KHNYN: variants seen among roughly 807,000 people sequenced by gnomAD.
KHNYN encodes protein KHNYN.
Under a neutral mutation model 62.7 loss-of-function variants are expected in KHNYN, and 42 were observed. The ratio of observed to expected loss-of-function variants is 0.67; its 90% CI spans 0.52 to 0.87. KHNYN has a LOEUF of 0.87. KHNYN is among the 40% of genes least tolerant of loss of function. KHNYN has a pLI of 0.00. For missense variants in KHNYN, 829 were observed against 874.1 expected (o/e 0.95, Z 0.65); for synonymous variants, 347 against 345.6 (o/e 1.00, Z -0.04).
rs2043332339 is a variant in KHNYN at position 24,441,327 on chromosome 14, C to A, written c.*4042C>A. The A allele has an allele frequency of 2.2e-6, 1 of 446,980 alleles. No homozygotes were observed. The allele number at this position is 446,980 out of a possible 1,614,324, so 27.7% of individuals were successfully genotyped here. On this transcript the variant is annotated 3_prime_UTR_variant, in exon 8 of 8. Coordinates refer to ENST00000553935, the MANE Select transcript of KHNYN (RefSeq NM_015299.3). ...GTTGTAAGGAATAAATGATAATAAG[C>A]ATAAAACACTTCAAATAGTGGCTGG...
upstream of KHNYN, among the ~76,000 whole-genome samples, chr14:24,424,598 A>G (rs539790302): frequency 1.3e-5 from 2 of 152,326 alleles, no homozygotes; most frequent in Admixed American, 1.3e-4. Context: ...GGGCCTAATC[A>G]CACGAGTCCC....
Position 24,431,444 on chromosome 14 carries a change from T to C in KHNYN, c.202-19T>C. On this transcript the variant is annotated intron_variant, in intron 2 of 7. Transcript: ENST00000553935. ...GCCAGTTAGTTTACTTTTCCTGACCTTCCCTTCCTCCCAACCAGGAGTACC... is the reference window on the plus strand; with the variant it reads ...GCCAGTTAGTTTACTTTTCCTGACCCTCCCTTCCTCCCAACCAGGAGTACC... The C allele has an allele frequency of 6.5e-7, 1 of 1,541,278 alleles. No homozygotes were observed. Among genetic ancestry groups the C allele is most frequent in the Non-Finnish European group, 8.8e-7 (1 of 1,140,322 alleles).
intron 2 of KHNYN, 99 bp downstream of exon 2, chr14:24,431,030 T>TG: frequency 8.7e-7 from 1 of 1,144,876 alleles, no homozygotes; most frequent in Non-Finnish European, 1.2e-6. Flanking sequence ...AGGAGGGGCC[T>TG]GGGGAGGATC....
In KHNYN at chr14:24,440,762, A is replaced by G; in HGVS notation, c.*3477A>G. On this transcript the variant is annotated 3_prime_UTR_variant, in exon 8 of 8. Transcript: ENST00000553935. ...AGAGAAGACATTCCAACCCTGTCTG[A>G]TACCCAGGCCCGTTTCTCACCTGAG... is the stretch of plus-strand genomic sequence containing the variant. The G allele has an allele frequency of 6.2e-7, 1 of 1,612,524 alleles. No homozygotes were observed. The highest frequency in any genetic ancestry group is 2.2e-5 in the East Asian group (1 of 44,860).
Position 24,430,864 on chromosome 14 carries a change from A to C in KHNYN, c.134A>C (p.Asp45Ala). The change falls in exon 2 of 8, where the codon GAC (aspartate) becomes GCC (alanine). Residue 45 changes from aspartate (D) to alanine (A), a missense_variant. By Grantham distance (126) the Asp-to-Ala change is moderately radical (BLOSUM62 -2). Transcript: ENST00000553935. ...GTGGGGGTGAGCGTCCTTCCGAAGG[A>C]CTGTCCGGACAACCCCCACATCTGG... ...FSVGVSVLPK[D>A]CPDNPHIWLQ... 6.2e-7 allele frequency: 1 copy of C among 1,613,994 alleles called. No individual in the cohort carries two copies. The highest frequency in any genetic ancestry group is 1.1e-5 in the South Asian group (1 of 91,046).
At chr14:24,428,447 C>T (rs1462435104), upstream of KHNYN, 6 of 1,610,202 alleles carry the variant, frequency 3.7e-6, no homozygotes, top group Non-Finnish European at 5.1e-6. Context: ...CAGGAAATGC[C>T]CATGGCTCAG....
At position 24,441,322 on chromosome 14, in the gene KHNYN, A is replaced by G. The variant is rs1323434249; in HGVS notation, c.*4037A>G. 3 of 449,286 alleles carry G rather than the reference A, an allele frequency of 6.7e-6. No homozygotes were observed. The highest frequency in any genetic ancestry group is 3.9e-5 in the African/African-American group (2 of 50,764). The allele number at this position is 449,286 out of a possible 1,614,324, so 27.8% of individuals were successfully genotyped here. A position where few individuals can be genotyped will look rare whatever the true frequency, so the allele number is the denominator to read the frequency against. ...GGGTTGTTGTAAGGAATAAATGATA[A>G]TAAGCATAAAACACTTCAAATAGTG... is the stretch of plus-strand genomic sequence containing the variant. On this transcript the variant is annotated 3_prime_UTR_variant, in exon 8 of 8. Coordinates refer to ENST00000553935, the MANE Select transcript of KHNYN (RefSeq NM_015299.3).
In KHNYN at chr14:24,441,606, A is replaced by G; in HGVS notation, c.*4321A>G. ...AAGACCAGTGCTCTGGTGTGTGCAT[A>G]GCTACAGAGGTCTGAGTTACCCCGT... is the stretch of plus-strand genomic sequence containing the variant. On this transcript the variant is annotated 3_prime_UTR_variant, in exon 8 of 8. Transcript: ENST00000553935. The G allele has an allele frequency of 7.3e-7, 1 of 1,361,484 alleles. No homozygotes were observed. The highest frequency in any genetic ancestry group is 1.0e-6 in the Non-Finnish European group (1 of 990,146). 84.3% of individuals were successfully genotyped at this position (1,361,484 alleles called of 1,614,324 possible). A position where few individuals can be genotyped will look rare whatever the true frequency, so the allele number is the denominator to read the frequency against.
At position 24,431,722 on chromosome 14, in the gene KHNYN, C is replaced by G; in HGVS notation, c.461C>G (p.Ala154Gly). The G allele has an allele frequency of 2.5e-6, 4 of 1,614,216 alleles. No individual in the cohort carries two copies. Among genetic ancestry groups the G allele is most frequent in the Non-Finnish European group, 3.4e-6 (4 of 1,180,038 alleles). The change falls in exon 3 of 8, where the codon GCC becomes GGC. Residue 154 changes from alanine (A) to glycine (G), a missense_variant. Coordinates refer to ENST00000553935, the MANE Select transcript of KHNYN (RefSeq NM_015299.3). Reference protein sequence around the residue: ...WDFTPGPSSGASQCTGVLRDF... With the variant: ...WDFTPGPSSGGSQCTGVLRDF... The stretch of plus-strand genomic sequence containing the variant: ...TTCACGCCAGGACCATCTTCCGGAG[C>G]CTCTCAGTGTACTGGAGTGCTGAGA...
chr14:24,432,528 C>T lies in KHNYN; in HGVS notation c.1267C>T (p.Pro423Ser), dbSNP rs1474125976. 2 of 1,613,098 alleles carry T rather than the reference C, an allele frequency of 1.2e-6. No individual in the cohort carries two copies. The highest frequency in any genetic ancestry group is 1.7e-6 in the Non-Finnish European group (2 of 1,179,354). ...GCGTTTCAAGGAGGCCCTGCAGGATCCTTTCACCCTGTGCCTTGCCAATGT... is the reference window on the plus strand; with the variant it reads ...GCGTTTCAAGGAGGCCCTGCAGGATTCTTTCACCCTGTGCCTTGCCAATGT... ...TQRFKEALQD[P>S]FTLCLANVPG... Residue 423 changes from proline to serine, a missense_variant, in exon 3 of 8, where the codon CCT becomes TCT. Physicochemically the swap from Pro to Ser is moderately conservative, Grantham distance 74. Coordinates refer to ENST00000553935, the MANE Select transcript of KHNYN (RefSeq NM_015299.3). The surrounding 1 kb of genome is among the most constrained non-coding windows in gnomAD (Gnocchi z 5.6).
At chr14:24,429,223 C>T, upstream of KHNYN, 1 of 709,900 alleles carries the variant, frequency 1.4e-6, no homozygotes, top group Non-Finnish European at 2.4e-6. Flanking sequence ...CCCACTCTTA[C>T]TCCTGCTGTC....
intron 2 of KHNYN, 127 bp downstream of exon 2, chr14:24,431,058 T>TGAGACAAC: frequency 1.2e-6 from 1 of 857,644 alleles, no homozygotes; most frequent in Non-Finnish European, 1.8e-6. Flanking sequence ...CTTGGTTGTC[T>TGAGACAAC]CACTGGCAAC....
intron 5 of KHNYN, chr14:24,434,187 A>T (rs2043169900): frequency 1.0e-6 from 1 of 985,270 alleles, no homozygotes; most frequent in Non-Finnish European, 1.2e-6. Flanking sequence ...CGTTTTAATG[A>T]ATGTTAAAGG....
upstream of KHNYN, among the ~76,000 whole-genome samples, chr14:24,424,976 G>A (rs1486866548): frequency 6.6e-6 from 1 of 152,200 alleles, no homozygotes; most frequent in African/African-American, 2.4e-5. Flanking sequence ...CCTGTAATCA[G>A]ATCACGTGAG....
chr14:24,427,685 G>A (rs189882134), upstream of KHNYN: 123 of 1,036,276 alleles, frequency 1.2e-4, no homozygotes, highest in Admixed American at 4.3e-4. The surrounding 1 kb of genome is among the most constrained non-coding windows in gnomAD (Gnocchi z 4.4). Context: ...AGGTGGGATA[G>A]GAGCCAGAGG....
In KHNYN at chr14:24,432,240, G is replaced by A. The variant is rs1180576699; in HGVS notation, c.979G>A (p.Gly327Ser). The A allele has an allele frequency of 5.6e-6, 9 of 1,609,418 alleles. No individual in the cohort carries two copies. Among genetic ancestry groups the A allele is most frequent in the African/African-American group, 2.7e-5 (2 of 74,818 alleles). ...GTTCTGTGTCCACCGTGAGCCTCCC[G>A]GTGCCCATGGCTCCTGTCACAGGGC... Reference protein sequence around the residue: ...GGFCVHREPPGAHGSCHRAAQ... With the variant: ...GGFCVHREPPSAHGSCHRAAQ... The change falls in exon 3 of 8, where the codon GGT (glycine) becomes AGT (serine). Residue 327 changes from glycine (G) to serine (S), a missense_variant. Gly to Ser is a moderately conservative substitution (Grantham distance 56). Coordinates refer to ENST00000553935, the MANE Select transcript of KHNYN (RefSeq NM_015299.3). The surrounding 1 kb of genome is among the most constrained non-coding windows in gnomAD (Gnocchi z 5.6).
chr14:24,426,646 A>G (rs1472976759), upstream of KHNYN: 3 of 152,332 alleles, frequency 2.0e-5, no homozygotes, highest in South Asian at 4.1e-4. Flanking sequence ...TAGTAATTCT[A>G]TAGTGTCTCA....
chr14:24,428,036 A>AC (rs772214814), upstream of KHNYN: 1 of 1,557,704 alleles, frequency 6.4e-7, no homozygotes, highest in South Asian at 1.1e-5. Flanking sequence ...TTAGCTCAGG[A>AC]CCCCCCACTT....
In KHNYN at chr14:24,430,878, C is replaced by G. The variant is rs924389971; in HGVS notation, c.148C>G (p.Pro50Ala). Reference protein sequence around the residue: ...SVLPKDCPDNPHIWLQLEGPK... With the variant: ...SVLPKDCPDNAHIWLQLEGPK... ...CCTTCCGAAGGACTGTCCGGACAAC[C>G]CCCACATCTGGCTGCAGCTGGAGGG... The change falls in exon 2 of 8, where the codon CCC (proline) becomes GCC (alanine). Residue 50 changes from proline (P) to alanine (A), a missense_variant. Physicochemically the swap from Pro to Ala is conservative, Grantham distance 27. Around this residue, in one of 2 missense-constraint regions of KHNYN, gnomAD observed 559 missense variants for 527.0 expected, o/e 1.06. Coordinates refer to ENST00000553935, the MANE Select transcript of KHNYN (RefSeq NM_015299.3). 3.1e-6 allele frequency: 5 copies of G among 1,613,902 alleles called. No individual in the cohort carries two copies. In the Admixed American group the frequency reaches 6.7e-5, roughly 22 times the overall value.
Sources: gnomAD v4.1 joint callset for allele counts (sites outside exome capture counted in the v4.1 genomes callset) on GRCh38, gnomAD v4.1.1 for gene constraint, gnomAD v4.1.1 regional missense constraint, Gnocchi (gnomAD v3.1) non-coding constraint, MANE v1.5 for transcripts, NCBI Gene and HGNC (gene_info 2026-07-23, HGNC 2026-07-21) for gene names.